Variants in LYPLAL1 observed in about 807,000 individuals in gnomAD.
LYPLAL1 encodes the protein lysophospholipase-like protein 1.
In LYPLAL1, 23 loss-of-function variants were observed where a neutral mutation model predicts 19.7. The ratio of observed to expected loss-of-function variants is 1.17; its 90% CI spans 0.84 to 1.65. The LOEUF (loss-of-function observed/expected upper bound fraction) is 1.65, where lower values mean the gene tolerates loss of function less well. Among genes scored for constraint, LYPLAL1 ranks in the 40% most tolerant of loss-of-function variants. The pLI, the probability that LYPLAL1 is intolerant of heterozygous loss-of-function variation, is 0.00. For missense variants in LYPLAL1, 355 were observed against 279.4 expected (o/e 1.27, Z -1.93); for synonymous variants, 119 against 96.3 (o/e 1.24, Z -1.38).
the LYPLAL1 span, among the ~76,000 whole-genome samples, chr1:219,303,271 A>G: frequency 7.5e-4 from 115 of 152,366 alleles, 3 homozygotes; most frequent in East Asian, 0.021. Flanking sequence ...CTCAAGACAT[A>G]GCTATAAACT....
At chr1:219,267,062 C>A in the LYPLAL1 span, among the ~76,000 whole-genome samples, 5 of 152,052 alleles carry the variant, frequency 3.3e-5, no homozygotes, top group African/African-American at 1.2e-4. Context: ...AAATAAACCC[C>A]AGAGTTGCAG....
the LYPLAL1 span, among the ~76,000 whole-genome samples, chr1:219,236,838 T>C: frequency 6.6e-6 from 1 of 152,168 alleles, no homozygotes; most frequent in Non-Finnish European, 1.5e-5. Flanking sequence ...TGGTTTGCTG[T>C]ACCTATCAAC....
chr1:219,407,180 T>G, the LYPLAL1 span, among the ~76,000 whole-genome samples: 1 of 152,222 alleles, frequency 6.6e-6, no homozygotes, highest in African/African-American at 2.4e-5. Flanking sequence ...AGAACTGTGT[T>G]ACCCAGTATC....
chr1:219,202,918 C>T (rs1658238064), intron 3 of LYPLAL1, among the ~76,000 whole-genome samples: 1 of 151,896 alleles, frequency 6.6e-6, no homozygotes. Flanking sequence ...AACTCCTGAC[C>T]TCAAGTGATC....
chr1:219,363,186 A>C, the LYPLAL1 span, among the ~76,000 whole-genome samples: 4 of 152,114 alleles, frequency 2.6e-5, no homozygotes, highest in Non-Finnish European at 4.4e-5. Flanking sequence ...TAAGTAAGTT[A>C]ATCTTCCAGG....
At chr1:219,301,948 C>T in the LYPLAL1 span, among the ~76,000 whole-genome samples, 1 of 151,676 alleles carries the variant, frequency 6.6e-6, no homozygotes, top group Non-Finnish European at 1.5e-5. Flanking sequence ...ATACATGATA[C>T]AGATAAGCAA....
the LYPLAL1 span, among the ~76,000 whole-genome samples, chr1:219,340,203 A>C: frequency 6.6e-6 from 1 of 152,184 alleles, no homozygotes; most frequent in Non-Finnish European, 1.5e-5. Context: ...GTATCAACAA[A>C]GTGATGGAAA....
At chr1:219,405,411 T>C in the LYPLAL1 span, among the ~76,000 whole-genome samples, 141 of 152,218 alleles carry the variant, frequency 9.3e-4, no homozygotes, top group Non-Finnish European at 1.6e-3. Context: ...TCTTTGAAAA[T>C]TTCAAGAATA....
At chr1:219,365,350 A>G in the LYPLAL1 span, among the ~76,000 whole-genome samples, 2 of 152,146 alleles carry the variant, frequency 1.3e-5, no homozygotes, top group Admixed American at 6.6e-5. Flanking sequence ...TCATATCTCA[A>G]TGGTTTAGCA....
the LYPLAL1 span, among the ~76,000 whole-genome samples, chr1:219,347,761 T>C: frequency 6.6e-6 from 1 of 152,100 alleles, no homozygotes; most frequent in Non-Finnish European, 1.5e-5. Context: ...TCAACTTTTG[T>C]CAGAAAAACT....
At chr1:219,279,596 G>A in the LYPLAL1 span, among the ~76,000 whole-genome samples, 1 of 152,138 alleles carries the variant, frequency 6.6e-6, no homozygotes, top group African/African-American at 2.4e-5. Flanking sequence ...GAGATCATTG[G>A]AAGACCCATA....
the LYPLAL1 span, among the ~76,000 whole-genome samples, chr1:219,289,300 C>T: frequency 6.6e-6 from 1 of 151,970 alleles, no homozygotes; most frequent in Non-Finnish European, 1.5e-5. Flanking sequence ...CAAGGAAGCC[C>T]GTGAGAGCTG....
At chr1:219,204,680 G>A (rs1658405412) in intron 3 of LYPLAL1, among the ~76,000 whole-genome samples, 1 of 152,202 alleles carries the variant, frequency 6.6e-6, no homozygotes, top group Admixed American at 6.5e-5. Flanking sequence ...GGGTCTTGCA[G>A]TAGGTAAAAG....
chr1:219,335,105 A>G, the LYPLAL1 span, among the ~76,000 whole-genome samples: 4 of 151,960 alleles, frequency 2.6e-5, no homozygotes, highest in Admixed American at 2.6e-4. Context: ...TTCTTCATCC[A>G]ACTACATTTT....
intron 2 of LYPLAL1, among the ~76,000 whole-genome samples, chr1:219,186,981 T>C (rs1412749178): frequency 6.6e-6 from 1 of 151,640 alleles, no homozygotes; most frequent in Non-Finnish European, 1.5e-5. Flanking sequence ...CTGATTGCCA[T>C]AGGGATTATG....
Position 219,211,714 on chromosome 1 carries a change from G to C in LYPLAL1, c.700G>C (p.Glu234Gln). ...WILTKLPGEM[E>Q]KQK is the part of the protein sequence containing the mutation. The stretch of plus-strand genomic sequence containing the variant: ...TCTTACAAAGCTGCCAGGAGAAATG[G>C]AAAAACAAAAATGAATGAATCAAGA... Residue 234 changes from glutamate (E) to glutamine (Q), a missense_variant, in exon 5 of 5, where the codon GAA (glutamate) becomes CAA (glutamine). By Grantham distance (29) the Glu-to-Gln change is conservative. Coordinates refer to ENST00000366928, the MANE Select transcript of LYPLAL1 (RefSeq NM_138794.5). 1 of 1,598,116 alleles carries C rather than the reference G, an allele frequency of 6.3e-7. No homozygotes were observed. Among genetic ancestry groups the C allele is most frequent in the Non-Finnish European group, 8.5e-7 (1 of 1,172,794 alleles).
At chr1:219,404,511 A>G in the LYPLAL1 span, among the ~76,000 whole-genome samples, 1 of 152,190 alleles carries the variant, frequency 6.6e-6, no homozygotes, top group Admixed American at 6.5e-5. Context: ...GACAGAATAT[A>G]GAATAATAAT....
rs536529398 is a variant in LYPLAL1 at position 219,188,176 on chromosome 1, T to A, written c.192-4906T>A. On this transcript the variant is annotated intron_variant, in intron 2 of 4. Transcript: ENST00000366928. Reference sequence around the variant, plus strand: ...CTTTGTTCTTAGCACTGGGTATGTATCTGTGGAAAGAATGAAGTCCCTGCT... The same window carrying A: ...CTTTGTTCTTAGCACTGGGTATGTAACTGTGGAAAGAATGAAGTCCCTGCT... Among the ~76,000 whole-genome samples, 7 of 151,928 alleles carry A rather than the reference T, an allele frequency of 4.6e-5. No individual in the cohort carries two copies. In the South Asian group the frequency reaches 1.4e-3, roughly 31 times the overall value.
the LYPLAL1 span, among the ~76,000 whole-genome samples, chr1:219,442,221 A>G: frequency 5.5e-4 from 84 of 151,958 alleles, no homozygotes; most frequent in African/African-American, 2.0e-3. Flanking sequence ...TTCCTATCTC[A>G]CTTCAGTTTC....
Sources: allele counts gnomAD v4.1 joint callset (sites outside exome capture counted in the v4.1 genomes callset), GRCh38; gene constraint gnomAD v4.1.1; transcripts MANE v1.5; gene names NCBI Gene and HGNC (gene_info 2026-07-23, HGNC 2026-07-21).